The following L3MBTL4 variants were observed in gnomAD, a reference collection of about 807,000 sequenced individuals.
L3MBTL4 encodes the protein lethal(3)malignant brain tumor-like protein 4.
In L3MBTL4, 70 loss-of-function variants were observed where a neutral mutation model predicts 84.5. That is an observed-to-expected ratio of 0.83 (90% CI 0.68 to 1.01). L3MBTL4 has a LOEUF of 1.01. L3MBTL4 is among the 50% of genes least tolerant of loss of function. L3MBTL4 has a pLI of 0.00. For synonymous variants in L3MBTL4, 274 were observed against 259.8 expected (o/e 1.05, Z -0.52); for missense variants, 715 against 754.8 (o/e 0.95, Z 0.62).
At chr18:5,971,544 T>C (rs1352345869) in intron 16 of L3MBTL4, among the ~76,000 whole-genome samples, 9 of 152,220 alleles carry the variant, frequency 5.9e-5, no homozygotes, top group Non-Finnish European at 8.8e-5. Context: ...AAGAATCTTA[T>C]ATATTGGAAG....
chr18:6,085,992 A>G (rs1201333482), intron 15 of L3MBTL4, among the ~76,000 whole-genome samples: 3 of 152,110 alleles, frequency 2.0e-5, no homozygotes, highest in African/African-American at 7.2e-5. Flanking sequence ...ATTTTTCCAA[A>G]CATCTATATG....
At chr18:6,054,064 G>A (rs1465828137) in intron 16 of L3MBTL4, among the ~76,000 whole-genome samples, 2 of 152,150 alleles carry the variant, frequency 1.3e-5, no homozygotes, top group Non-Finnish European at 2.9e-5. Flanking sequence ...CTGGGAGATA[G>A]AGGCTCTCAA....
chr18:6,211,495 G>T (rs2046101364), intron 12 of L3MBTL4, among the ~76,000 whole-genome samples: 1 of 152,100 alleles, frequency 6.6e-6, no homozygotes, highest in Non-Finnish European at 1.5e-5. Context: ...GCTGAGAGAA[G>T]AAAAACTTCA....
chr18:6,064,723 T>C (rs2057345656), intron 16 of L3MBTL4, among the ~76,000 whole-genome samples: 1 of 152,130 alleles, frequency 6.6e-6, no homozygotes, highest in South Asian at 2.1e-4. Flanking sequence ...TTACTGAATT[T>C]GTTTATGAGA....
At chr18:6,341,797 A>C (rs1423746762) in intron 1 of L3MBTL4, among the ~76,000 whole-genome samples, 1 of 152,114 alleles carries the variant, frequency 6.6e-6, no homozygotes, top group Non-Finnish European at 1.5e-5. Context: ...AAGTCCAAAG[A>C]ACCTCAAATG....
At chr18:6,030,280 G>A (rs539089976) in intron 16 of L3MBTL4, 1 of 985,012 alleles carries the variant, frequency 1.0e-6, no homozygotes. Flanking sequence ...GTTGAATTTT[G>A]CACCAAATGC....
rs188442766 is a variant in L3MBTL4, at chr18:6,294,713, T to A, written c.127+7190A>T. ...GTGACATTGTCTTTTGCTCAATCAA[T>A]CAAAACAAAACAAAACAAAACAAAA... On this transcript the variant is annotated intron_variant, in intron 4 of 18. Transcript: ENST00000317931. 2.0e-4 allele frequency among the ~76,000 whole-genome samples: 27 copies of A among 136,998 alleles called. 1 individual carries two copies. The East Asian group carries it at 5.6e-3, about 28-fold the overall frequency. 89.9% of individuals were successfully genotyped at this position (136,998 alleles called of 152,430 possible). A position where few individuals can be genotyped will look rare whatever the true frequency, so the allele number is the denominator to read the frequency against.
intron 12 of L3MBTL4, among the ~76,000 whole-genome samples, chr18:6,188,005 A>AC (rs1568282233): frequency 2.0e-5 from 3 of 151,830 alleles, no homozygotes; most frequent in Non-Finnish European, 4.4e-5. Context: ...ATCAAAACAA[A>AC]AAAAAAAATC....
intron 16 of L3MBTL4, among the ~76,000 whole-genome samples, chr18:6,053,815 C>T (rs2056920528): frequency 6.6e-6 from 1 of 152,134 alleles, no homozygotes; most frequent in Admixed American, 6.6e-5. Context: ...GGGAAGTTCA[C>T]AGTCTAGTGG....
chr18:6,351,515 G>A (rs1408763130), intron 1 of L3MBTL4, among the ~76,000 whole-genome samples: 1 of 152,034 alleles, frequency 6.6e-6, no homozygotes, highest in African/African-American at 2.4e-5. Flanking sequence ...AGTAAATTTT[G>A]TATTATGTAT....
chr18:6,343,393 G>T (rs1428994304), intron 1 of L3MBTL4, among the ~76,000 whole-genome samples: 1 of 152,278 alleles, frequency 6.6e-6, no homozygotes, highest in East Asian at 1.9e-4. Context: ...GCTGGGTGCG[G>T]TGGCTCATGC....
intron 16 of L3MBTL4, among the ~76,000 whole-genome samples, chr18:5,992,009 T>G (rs1420129817): frequency 6.6e-6 from 1 of 151,886 alleles, no homozygotes; most frequent in Admixed American, 6.6e-5. Context: ...CATCCATCCA[T>G]CCATCCATCC....
chr18:6,231,301 G>T (rs1440679567), intron 10 of L3MBTL4, among the ~76,000 whole-genome samples: 1 of 152,144 alleles, frequency 6.6e-6, no homozygotes, highest in Non-Finnish European at 1.5e-5. Context: ...TATATGGCTA[G>T]CCATCTATCA....
At chr18:6,216,433 T>C (rs1187322784) in intron 10 of L3MBTL4, among the ~76,000 whole-genome samples, 1 of 152,132 alleles carries the variant, frequency 6.6e-6, no homozygotes, top group Non-Finnish European at 1.5e-5. Flanking sequence ...TAGAGATCTA[T>C]ATAGTATAGT....
In L3MBTL4 at chr18:6,093,352, T is replaced by G; in HGVS notation, c.1373+3A>C. ...TGGCTCACATTTTTAAGAAGTTTCT[T>G]ACCTGGGCTGACTGTTCACCTTTTC... On this transcript the variant is annotated splice_donor_region_variant and intron_variant, in intron 15 of 18. Transcript: ENST00000317931. 1 of 1,600,696 alleles carries G rather than the reference T, an allele frequency of 6.2e-7. No homozygotes were observed. Among genetic ancestry groups the G allele is most frequent in the East Asian group, 2.2e-5 (1 of 44,632 alleles).
chr18:6,185,227 G>T (rs961403094), intron 12 of L3MBTL4, among the ~76,000 whole-genome samples: 2 of 152,162 alleles, frequency 1.3e-5, no homozygotes, highest in Admixed American at 6.5e-5. Flanking sequence ...GAGGGAAGGC[G>T]GAGCCAGGGC....
chr18:6,059,086 A>C (rs536202107), intron 16 of L3MBTL4, among the ~76,000 whole-genome samples: 1 of 152,346 alleles, frequency 6.6e-6, no homozygotes, highest in Admixed American at 6.5e-5. Flanking sequence ...CAGCAGTGTC[A>C]GAGGGACTGA....
At chr18:6,194,422 C>T (rs1222071521) in intron 12 of L3MBTL4, among the ~76,000 whole-genome samples, 1 of 152,086 alleles carries the variant, frequency 6.6e-6, no homozygotes, top group Non-Finnish European at 1.5e-5. Context: ...CCATCACAGC[C>T]GTCGTTACCA....
At chr18:6,220,615 A>G (rs1190994105) in intron 10 of L3MBTL4, among the ~76,000 whole-genome samples, 2 of 152,200 alleles carry the variant, frequency 1.3e-5, no homozygotes, top group Non-Finnish European at 2.9e-5. Flanking sequence ...TGTGTTGTGA[A>G]TATTTCATTT....
Sources: allele counts gnomAD v4.1 joint callset (sites outside exome capture counted in the v4.1 genomes callset), GRCh38; gene constraint gnomAD v4.1.1; transcripts MANE v1.5; gene names NCBI Gene and HGNC (gene_info 2026-07-23, HGNC 2026-07-21).